Variants in ANKIB1 observed in about 807,000 individuals in gnomAD.
ANKIB1 encodes the protein ankyrin repeat and IBR domain containing 1, also known as ankyrin repeat and IBR domain-containing protein 1.
Under a neutral mutation model 122.1 loss-of-function variants are expected in ANKIB1, and 43 were observed. The observed-to-expected ratio is 0.35, with a 90% CI of 0.28 to 0.45. The LOEUF (loss-of-function observed/expected upper bound fraction) is 0.45, where lower values mean the gene tolerates loss of function less well. ANKIB1 is among the 20% of genes least tolerant of loss of function. ANKIB1 has a pLI of 1.00. For missense variants in ANKIB1, 992 were observed against 1,329.5 expected, an observed-to-expected ratio of 0.75 and a Z score of 3.95; for synonymous variants, 390 against 442.0, an observed-to-expected ratio of 0.88 and a Z score of 1.48.
chr7:92,299,833 G>A (rs187543724), intron 2 of ANKIB1, among the ~76,000 whole-genome samples: 1 of 152,098 alleles, frequency 6.6e-6, no homozygotes, highest in South Asian at 2.1e-4. Flanking sequence ...CTGAGACAGG[G>A]TCTTGCTCTG....
intron 1 of ANKIB1, among the ~76,000 whole-genome samples, chr7:92,294,224 T>G (rs1802306782): frequency 6.6e-6 from 1 of 152,188 alleles, no homozygotes; most frequent in Non-Finnish European, 1.5e-5. Context: ...CATAAACATT[T>G]GATGTTTTCA....
intron 5 of ANKIB1, among the ~76,000 whole-genome samples, chr7:92,334,885 G>A (rs1004527692): frequency 2.0e-5 from 3 of 151,710 alleles, no homozygotes; most frequent in African/African-American, 7.3e-5. Flanking sequence ...GCTGTGATTA[G>A]CATCCTTCAA....
chr7:92,255,683 A>T (rs182736919), intron 1 of ANKIB1, among the ~76,000 whole-genome samples: 1 of 152,312 alleles, frequency 6.6e-6, no homozygotes, highest in East Asian at 1.9e-4. Context: ...TTTGAAAAAA[A>T]TAGTGCTGAT....
intron 10 of ANKIB1, among the ~76,000 whole-genome samples, chr7:92,363,025 TAA>T (rs1007609119): frequency 3.3e-5 from 5 of 151,648 alleles, no homozygotes; most frequent in Non-Finnish European, 7.4e-5. Context: ...TCAAAAAATA[TAA>T]GTGAAAATTA....
At chr7:92,252,477 C>T (rs1801347965) in intron 1 of ANKIB1, among the ~76,000 whole-genome samples, 1 of 150,694 alleles carries the variant, frequency 6.6e-6, no homozygotes, top group Non-Finnish European at 1.5e-5. Context: ...ACCTCTACCT[C>T]CCAGGTTCAA....
intron 9 of ANKIB1, among the ~76,000 whole-genome samples, chr7:92,358,468 G>T (rs1007102014): frequency 1.3e-5 from 2 of 151,664 alleles, no homozygotes; most frequent in African/African-American, 4.8e-5. Flanking sequence ...ACCTTCTTTT[G>T]CTATTTAATA....
rs556743973 is a variant in ANKIB1, at chr7:92,290,148, G to A, written c.-90-4741G>A. Among the ~76,000 whole-genome samples the A allele has an allele frequency of 1.1e-4, 16 of 152,270 alleles. No individual in the cohort carries two copies. The East Asian group carries it at 3.1e-3, about 29-fold the overall frequency. ...CTCCTTTTCTTGAAGTATTATTACA[G>A]TAACCACTAGAGCATTTCTTTGGAA... On this transcript the variant is annotated intron_variant, in intron 1 of 19. Transcript: ENST00000265742.
chr7:92,320,732 T>C (rs1802890311), intron 4 of ANKIB1, among the ~76,000 whole-genome samples: 1 of 152,170 alleles, frequency 6.6e-6, no homozygotes, highest in Non-Finnish European at 1.5e-5. Context: ...CTGTAATAGT[T>C]TCCTTACTGG....
At chr7:92,270,012 G>T (rs1801752635) in intron 1 of ANKIB1, among the ~76,000 whole-genome samples, 1 of 148,602 alleles carries the variant, frequency 6.7e-6, no homozygotes, top group African/African-American at 2.5e-5. Flanking sequence ...GTGTCCAAGT[G>T]ATCTCATTGT....
chr7:92,334,182 T>C (rs944526826), intron 5 of ANKIB1, among the ~76,000 whole-genome samples: 1 of 152,274 alleles, frequency 6.6e-6, no homozygotes, highest in African/African-American at 2.4e-5. Context: ...GCTGTTATTA[T>C]TGAATTCCTT....
intron 5 of ANKIB1, among the ~76,000 whole-genome samples, chr7:92,330,498 T>G (rs1803146816): frequency 6.6e-6 from 1 of 152,148 alleles, no homozygotes; most frequent in Non-Finnish European, 1.5e-5. Flanking sequence ...GAAAAAAATT[T>G]AGACCTGAGT....
Position 92,368,247 on chromosome 7 carries a change from T to C in ANKIB1, c.1487-3230T>C, listed in dbSNP as rs532820108. Reference sequence around the variant, plus strand: ...TGTTAATAGATCTTGGATTTTCTGATACTCTAATACTTTATTATGAAGTTA... The same window carrying C: ...TGTTAATAGATCTTGGATTTTCTGACACTCTAATACTTTATTATGAAGTTA... On this transcript the variant is annotated intron_variant, in intron 10 of 19. Coordinates refer to ENST00000265742, the MANE Select transcript of ANKIB1 (RefSeq NM_019004.2). 1.4e-3 allele frequency among the ~76,000 whole-genome samples: 209 copies of C among 151,854 alleles called. 1 individual carries two copies. Among genetic ancestry groups the C allele is most frequent in the African/African-American group, 4.8e-3 (197 of 41,394 alleles).
intron 3 of ANKIB1, among the ~76,000 whole-genome samples, chr7:92,310,604 T>G (rs1292971546): frequency 1.3e-5 from 2 of 152,160 alleles, no homozygotes; most frequent in Admixed American, 6.5e-5. Context: ...CAAGGGAGAT[T>G]TGTTCCAGGA....
chr7:92,272,175 T>C (rs1393492204), intron 1 of ANKIB1, among the ~76,000 whole-genome samples: 1 of 152,172 alleles, frequency 6.6e-6, no homozygotes, highest in Non-Finnish European at 1.5e-5. Context: ...TGGTAAATTT[T>C]GTGTTATGTA....
At chr7:92,395,439 A>G (rs1804865266) in intron 17 of ANKIB1, among the ~76,000 whole-genome samples, 1 of 152,138 alleles carries the variant, frequency 6.6e-6, no homozygotes, top group South Asian at 2.1e-4. Context: ...AGTAGTCCCA[A>G]AGAATAGAAA....
chr7:92,245,989 C>A lies in ANKIB1; in HGVS notation c.-621C>A. On this transcript the variant is annotated 5_prime_UTR_variant, in exon 1 of 20. The change creates a new upstream start codon in the 5' untranslated region. Transcript: ENST00000265742. ...AAGAGCTTCCGGGTCGGCGGCCGGG[C>A]TGCTGCCGTTCCTGCTCCTTTTCAC... 4.3e-6 allele frequency: 1 copy of A among 234,426 alleles called. No individual in the cohort carries two copies. Among genetic ancestry groups the A allele is most frequent in the Non-Finnish European group, 8.4e-6 (1 of 118,952 alleles). 14.5% of individuals were successfully genotyped at this position (234,426 alleles called of 1,614,324 possible).
chr7:92,277,822 G>T (rs543730654), intron 1 of ANKIB1, among the ~76,000 whole-genome samples: 1 of 151,874 alleles, frequency 6.6e-6, no homozygotes, highest in African/African-American at 2.4e-5. Flanking sequence ...GGTAGCTCAC[G>T]CTTGTAATCC....
intron 3 of ANKIB1, among the ~76,000 whole-genome samples, chr7:92,313,683 C>A (rs1200259994): frequency 1.3e-5 from 2 of 152,066 alleles, no homozygotes; most frequent in Non-Finnish European, 2.9e-5. Flanking sequence ...GGAGGCTATT[C>A]AAAATGTGGC....
At chr7:92,288,155 AT>A (rs1319061031) in intron 1 of ANKIB1, among the ~76,000 whole-genome samples, 1 of 152,164 alleles carries the variant, frequency 6.6e-6, no homozygotes, top group Non-Finnish European at 1.5e-5. Context: ...AATTTATCAC[AT>A]TTGCAGAATA....
Sources: gnomAD v4.1 joint callset for allele counts (sites outside exome capture counted in the v4.1 genomes callset) on GRCh38, gnomAD v4.1.1 for gene constraint, MANE v1.5 for transcripts, NCBI Gene and HGNC (gene_info 2026-07-23, HGNC 2026-07-21) for gene names.